The following WDR44 variants were observed in gnomAD, a reference collection of about 807,000 sequenced individuals.
The protein encoded by WDR44 is WD repeat-containing protein 44.
Under a neutral mutation model 65.7 loss-of-function variants are expected in WDR44, and 9 were observed. That is an observed-to-expected ratio of 0.14 (90% CI 0.08 to 0.24). The LOEUF (loss-of-function observed/expected upper bound fraction) is 0.24. Ranked by LOEUF, WDR44 falls within the 10% of genes least tolerant of loss-of-function variation. WDR44 has a pLI of 1.00. For synonymous variants in WDR44, 220 were observed against 235.2 expected, an observed-to-expected ratio of 0.94 and a Z score of 0.59; for missense variants, 425 against 670.9, an observed-to-expected ratio of 0.63 and a Z score of 4.05.
rs1255154175 is a variant in WDR44 at position 118,346,360 on chromosome X, C to T, written c.-144C>T. Reference sequence around the variant, plus strand: ...GGCGGCCCCCTTTCCTTAACAGTCTCCTCGCTACAGATCGTCTGCTCCCTC... The same window carrying T: ...GGCGGCCCCCTTTCCTTAACAGTCTTCTCGCTACAGATCGTCTGCTCCCTC... On this transcript the variant is annotated 5_prime_UTR_variant, in exon 1 of 20. Coordinates refer to ENST00000254029, the MANE Select transcript of WDR44 (RefSeq NM_019045.5). The T allele has an allele frequency of 1.9e-6, 1 of 521,527 alleles. No homozygotes were observed. The highest frequency in any genetic ancestry group is 2.8e-5 in the South Asian group (1 of 35,647). 43.0% of individuals were successfully genotyped at this position (521,527 alleles called of 1,213,427 possible). A position where few individuals can be genotyped will look rare whatever the true frequency, so the allele number is the denominator to read the frequency against.
chrX:118,348,651 T>C (rs1439125378), intron 1 of WDR44, among the ~76,000 whole-genome samples: 2 of 111,674 alleles, frequency 1.8e-5, no homozygotes, highest in African/African-American at 6.5e-5. Context: ...ATTTACATTT[T>C]CCTCTATCCT....
At chrX:118,389,612 T>G (rs2056800806) in intron 3 of WDR44, among the ~76,000 whole-genome samples, 1 of 106,231 alleles carries the variant, frequency 9.4e-6, no homozygotes, top group Admixed American at 1.0e-4. Flanking sequence ...TCCCAGCTAC[T>G]TGGGAGGCCA....
At chrX:118,352,321 TATATATATA>T (rs1569354303) in intron 1 of WDR44, among the ~76,000 whole-genome samples, 21 of 8,562 alleles carry the variant, frequency 2.5e-3, no homozygotes, top group African/African-American at 8.7e-3. Flanking sequence ...AGCTAATTTA[TATATATATA>T]TATATATATA....
At position 118,419,584 on chromosome X, in the gene WDR44, C is replaced by G. The variant is rs112192527; in HGVS notation, c.1737+8625C>G. Reference sequence around the variant, plus strand: ...GCTTCCTTCAGAGGGTCTGTGGGTTCTCTTGGGATTCCTAGTTCTTTCTTG... The same window carrying G: ...GCTTCCTTCAGAGGGTCTGTGGGTTGTCTTGGGATTCCTAGTTCTTTCTTG... On this transcript the variant is annotated intron_variant, in intron 12 of 19. Coordinates refer to ENST00000254029, the MANE Select transcript of WDR44 (RefSeq NM_019045.5). Among the ~76,000 whole-genome samples, 1,045 of 111,624 alleles carry G rather than the reference C, an allele frequency of 9.4e-3. 21 individuals are homozygous for G. The highest frequency in any genetic ancestry group is 0.033 in the African/African-American group (999 of 30,711).
chrX:118,352,208 G>A (rs2056411307), intron 1 of WDR44, among the ~76,000 whole-genome samples: 1 of 96,039 alleles, frequency 1.0e-5, no homozygotes, highest in African/African-American at 3.8e-5. Flanking sequence ...GAGTGCAATG[G>A]TGCAATCTCA....
At position 118,388,320 on chromosome X, in the gene WDR44, G is replaced by A. The variant is rs1301418292; in HGVS notation, c.186+906G>A. ...ATTTGAGGCAGGGTCTCACTCTGTC[G>A]CCCAAGCTAGAGTGCAGTGGCACAA... On this transcript the variant is annotated intron_variant, in intron 3 of 19. Coordinates refer to ENST00000254029, the MANE Select transcript of WDR44 (RefSeq NM_019045.5). Among the ~76,000 whole-genome samples, 10 of 111,136 alleles carry A rather than the reference G, an allele frequency of 9.0e-5. No homozygotes were observed. In the East Asian group the frequency reaches 2.3e-3, roughly 25 times the overall value.
chrX:118,409,391 A>G, intron 10 of WDR44, 98 bp from the exon 11 acceptor site: 2 of 949,395 alleles, frequency 2.1e-6, no homozygotes, highest in Non-Finnish European at 2.9e-6. Flanking sequence ...CAGCCTCCCA[A>G]AGTGCTGAGA....
At chrX:118,402,930 TG>T (rs1381976933) in intron 8 of WDR44, among the ~76,000 whole-genome samples, 1 of 111,948 alleles carries the variant, frequency 8.9e-6, no homozygotes, top group African/African-American at 3.2e-5. Context: ...CTCTTATCCA[TG>T]GGGTATACGT....
At chrX:118,352,961 A>G (rs192035916) in intron 1 of WDR44, among the ~76,000 whole-genome samples, 1 of 112,091 alleles carries the variant, frequency 8.9e-6, no homozygotes, top group African/African-American at 3.2e-5. Context: ...TCTCTAAGAG[A>G]TTAATAACCT....
intron 14 of WDR44, among the ~76,000 whole-genome samples, chrX:118,439,819 A>G (rs1360261811): frequency 2.8e-5 from 3 of 108,390 alleles, no homozygotes; most frequent in Non-Finnish European, 5.7e-5. Flanking sequence ...AAGGAAAAAA[A>G]AAGAAGAAGA....
intron 2 of WDR44, among the ~76,000 whole-genome samples, chrX:118,379,499 A>G (rs765785087): frequency 3.6e-5 from 4 of 111,755 alleles, no homozygotes; most frequent in Non-Finnish European, 7.5e-5. Flanking sequence ...AGAAAAACAT[A>G]TACAGTAACG....
At position 118,441,098 on chromosome X, in the gene WDR44, T is replaced by TA. The variant is rs772679243; in HGVS notation, c.1975-269dup. 8.4e-4 allele frequency among the ~76,000 whole-genome samples: 91 copies of TA among 107,952 alleles called. 1 individual carries two copies. Among genetic ancestry groups the TA allele is most frequent in the African/African-American group, 3.0e-3 (89 of 29,702 alleles). 93.7% of individuals were successfully genotyped at this position (107,952 alleles called of 115,157 possible). On this transcript the variant is annotated intron_variant, in intron 14 of 19. Coordinates refer to ENST00000254029, the MANE Select transcript of WDR44 (RefSeq NM_019045.5). Reference sequence around the variant, plus strand: ...CCTCAGCCTCCCGAGTAGCTGGGACTACAGCCGCGCACCACCATGCCCAGC... The same window carrying TA: ...CCTCAGCCTCCCGAGTAGCTGGGACTAACAGCCGCGCACCACCATGCCCAGC...
At chrX:118,442,524 A>G in intron 16 of WDR44, 41 bp from the exon 17 acceptor site, 1 of 1,149,225 alleles carries the variant, frequency 8.7e-7, no homozygotes, top group South Asian at 1.8e-5. Context: ...AGCTTGTACT[A>G]AAAGATGATA....
At chrX:118,356,413 T>C (rs2056460154) in intron 1 of WDR44, among the ~76,000 whole-genome samples, 1 of 111,459 alleles carries the variant, frequency 9.0e-6, no homozygotes, top group African/African-American at 3.3e-5. Context: ...AATTGTTTTA[T>C]AGATTGTTGT....
intron 5 of WDR44, among the ~76,000 whole-genome samples, 193 bp downstream of exon 5, chrX:118,394,378 CA>C (rs1167911725): frequency 9.0e-6 from 1 of 111,520 alleles, no homozygotes; most frequent in Non-Finnish European, 1.9e-5. Context: ...ATCTGGATCT[CA>C]GATGCCCCAT....
intron 1 of WDR44, 73 bp from the exon 2 acceptor site, chrX:118,378,346 G>C: frequency 1.2e-6 from 1 of 842,473 alleles, no homozygotes; most frequent in Non-Finnish European, 1.7e-6. Flanking sequence ...GGACTTGTCT[G>C]TAGTAAGTGT....
At chrX:118,369,977 G>C (rs944114765) in intron 1 of WDR44, among the ~76,000 whole-genome samples, 4 of 111,853 alleles carry the variant, frequency 3.6e-5, no homozygotes, top group African/African-American at 9.7e-5. Flanking sequence ...TTTTGAAGCT[G>C]TTTCAGACGT....
intron 12 of WDR44, among the ~76,000 whole-genome samples, chrX:118,424,564 C>A (rs779618109): frequency 3.1e-4 from 34 of 108,742 alleles, no homozygotes; most frequent in Non-Finnish European, 5.3e-4. Flanking sequence ...TTTTGACATT[C>A]AGTTGTAGGG....
At chrX:118,448,829 A>G (rs777449393) in intron 19 of WDR44, 64 bp from the exon 20 acceptor site, 2 of 782,566 alleles carry the variant, frequency 2.6e-6, no homozygotes, top group Non-Finnish European at 3.7e-6. Flanking sequence ...GCATGTGATA[A>G]TTGTGGCAGC....
Sources: allele counts gnomAD v4.1 joint callset (sites outside exome capture counted in the v4.1 genomes callset), GRCh38; gene constraint gnomAD v4.1.1; transcripts MANE v1.5; gene names NCBI Gene and HGNC (gene_info 2026-07-23, HGNC 2026-07-21).